The following SYCP1 variants were observed in gnomAD, a reference collection of about 807,000 sequenced individuals.
SYCP1 encodes the protein synaptonemal complex protein 1.
SYCP1 carries 64 observed loss-of-function variants against 153.1 expected under a neutral mutation model. The ratio of observed to expected loss-of-function variants is 0.42; its 90% CI spans 0.34 to 0.51. SYCP1 has a LOEUF of 0.51. SYCP1 is among the 20% of genes least tolerant of loss of function. The probability of loss-of-function intolerance (pLI) is 0.06; values close to 1 mark genes in which losing one functional copy is unlikely to be tolerated. For missense variants in SYCP1, 997 were observed against 1,049.0 expected, an observed-to-expected ratio of 0.95 and a Z score of 0.68; for synonymous variants, 384 against 341.8, an observed-to-expected ratio of 1.12 and a Z score of -1.36.
At chr1:114,854,829 G>C (rs921536125), upstream of SYCP1, 7 of 152,324 alleles carry the variant, frequency 4.6e-5, 2 homozygotes, top group Admixed American at 4.6e-4. Flanking sequence ...CCCACACAGC[G>C]ACGGTTATTT....
chr1:114,856,930 A>AAAAC (rs1663991396), intron 3 of SYCP1, among the ~76,000 whole-genome samples: 1 of 146,366 alleles, frequency 6.8e-6, no homozygotes, highest in Non-Finnish European at 1.5e-5. Flanking sequence ...ACAAAAAAAA[A>AAAAC]AAAAAAAAAA....
intron 27 of SYCP1, among the ~76,000 whole-genome samples, chr1:114,952,894 A>C (rs1194320959): frequency 6.6e-6 from 1 of 152,222 alleles, no homozygotes; most frequent in Admixed American, 6.5e-5. Flanking sequence ...ATAACAGAAT[A>C]CTTGAGACTG....
At chr1:114,964,709 G>T (rs1671996407) in intron 27 of SYCP1, among the ~76,000 whole-genome samples, 1 of 151,998 alleles carries the variant, frequency 6.6e-6, no homozygotes, top group South Asian at 2.1e-4. Flanking sequence ...TATTTCTGAG[G>T]GCTCTGTTCT....
intron 30 of SYCP1, among the ~76,000 whole-genome samples, chr1:114,989,613 G>A (rs1673779837): frequency 1.3e-5 from 2 of 151,844 alleles, no homozygotes; most frequent in Admixed American, 1.3e-4. Flanking sequence ...CTGTTTTCAA[G>A]ACACTCATTT....
chr1:114,973,727 TGTTA>T (rs1672635173), intron 27 of SYCP1, among the ~76,000 whole-genome samples: 1 of 151,998 alleles, frequency 6.6e-6, no homozygotes, highest in African/African-American at 2.4e-5. Context: ...TTGTTGTTGT[TGTTA>T]GTTTAGGAGA....
At chr1:114,980,119 T>C (rs1270514239) in intron 28 of SYCP1, among the ~76,000 whole-genome samples, 1 of 151,758 alleles carries the variant, frequency 6.6e-6, no homozygotes, top group Non-Finnish European at 1.5e-5. Flanking sequence ...AAGAACACGA[T>C]TCTAGAAAAA....
intron 16 of SYCP1, among the ~76,000 whole-genome samples, chr1:114,901,224 C>T (rs1570732266): frequency 6.6e-6 from 1 of 151,966 alleles, no homozygotes; most frequent in East Asian, 1.9e-4. Flanking sequence ...TTAAAAGTGG[C>T]AAGGCAAAAT....
chr1:114,955,092 T>C (rs1671352908), intron 27 of SYCP1, among the ~76,000 whole-genome samples: 1 of 152,222 alleles, frequency 6.6e-6, no homozygotes, highest in African/African-American at 2.4e-5. Context: ...GTAATTTAAT[T>C]AGAGTTTTTA....
Position 114,878,167 on chromosome 1 carries a change from C to A in SYCP1, c.875C>A (p.Ser292Tyr). 6.3e-7 allele frequency: 1 copy of A among 1,582,358 alleles called. No homozygotes were observed. Among genetic ancestry groups the A allele is most frequent in the Non-Finnish European group, 8.6e-7 (1 of 1,156,208 alleles). The change falls in exon 12 of 32, where the codon TCC (serine) becomes TAC (tyrosine). Residue 292 changes from serine (S) to tyrosine (Y), a missense_variant. Ser to Tyr is a moderately radical substitution (Grantham distance 144, BLOSUM62 -2). This residue lies in a region of SYCP1 where 285 missense variants were observed against 366.1 expected (regional missense o/e 0.78). Transcript: ENST00000369522. ...GATTTAACATTTCTGCTAGAGGAAT[C>A]CAGAGATAAAGTTAATCAATTAGAG... is the stretch of plus-strand genomic sequence containing the variant. ...MKDLTFLLEESRDKVNQLEEK... is the reference protein window; with the variant it reads ...MKDLTFLLEEYRDKVNQLEEK...
chr1:114,882,446 ATTC>A (rs1385362540), intron 12 of SYCP1, among the ~76,000 whole-genome samples: 1 of 152,044 alleles, frequency 6.6e-6, no homozygotes, highest in East Asian at 1.9e-4. Context: ...TTAAGATGTT[ATTC>A]TTCTTTTTCT....
intron 27 of SYCP1, among the ~76,000 whole-genome samples, chr1:114,954,120 C>G (rs360681): frequency 0.5 from 75,314 of 152,040 alleles, 19,975 homozygotes; most frequent in Middle Eastern, 0.61. Context: ...GAGGTGCAAT[C>G]TGACATGTTG....
At chr1:114,905,392 C>T (rs1667746049) in intron 16 of SYCP1, among the ~76,000 whole-genome samples, 1 of 152,156 alleles carries the variant, frequency 6.6e-6, no homozygotes. Flanking sequence ...TCGTTAACCC[C>T]CAGACCCAAG....
At chr1:114,973,474 T>C (rs960460196) in intron 27 of SYCP1, among the ~76,000 whole-genome samples, 1 of 152,040 alleles carries the variant, frequency 6.6e-6, no homozygotes, top group African/African-American at 2.4e-5. Flanking sequence ...TCAGGTATAT[T>C]AGTGACCTTT....
At chr1:114,971,007 A>T (rs1424432048) in intron 27 of SYCP1, among the ~76,000 whole-genome samples, 1 of 152,164 alleles carries the variant, frequency 6.6e-6, no homozygotes, top group African/African-American at 2.4e-5. Context: ...TTGGTCTGTT[A>T]TGAGTTGCTG....
chr1:114,980,290 T>G (rs1340974370), intron 28 of SYCP1, among the ~76,000 whole-genome samples: 1 of 151,874 alleles, frequency 6.6e-6, no homozygotes, highest in Non-Finnish European at 1.5e-5. Context: ...ATGAGTTTCA[T>G]GTAGAATCCC....
At chr1:114,885,674 C>A in intron 13 of SYCP1, 45 bp downstream of exon 13, 1 of 1,100,952 alleles carries the variant, frequency 9.1e-7, no homozygotes, top group Non-Finnish European at 1.3e-6. Flanking sequence ...CTCACCCTAT[C>A]AATCAGTCAA....
At chr1:114,864,780 C>G (rs1664623583) in intron 8 of SYCP1, among the ~76,000 whole-genome samples, 1 of 152,054 alleles carries the variant, frequency 6.6e-6, no homozygotes, top group East Asian at 1.9e-4. Context: ...CAGCCACTGC[C>G]CTGGCCCACA....
chr1:114,940,443 T>C (rs1395291481), intron 23 of SYCP1, among the ~76,000 whole-genome samples: 1 of 152,202 alleles, frequency 6.6e-6, no homozygotes, highest in African/African-American at 2.4e-5. Context: ...GTCTTTCTAA[T>C]GTACACATTT....
At chr1:114,884,654 A>G (rs1176407133) in intron 12 of SYCP1, among the ~76,000 whole-genome samples, 1 of 152,166 alleles carries the variant, frequency 6.6e-6, no homozygotes, top group Non-Finnish European at 1.5e-5. Flanking sequence ...TCATTTATTG[A>G]TTATAGATTA....
Sources: allele counts gnomAD v4.1 joint callset (sites outside exome capture counted in the v4.1 genomes callset), GRCh38; gene constraint gnomAD v4.1.1; regional missense constraint gnomAD v4.1.1; transcripts MANE v1.5; gene names NCBI Gene and HGNC (gene_info 2026-07-23, HGNC 2026-07-21).